SHROOM3: variants seen among roughly 807,000 people sequenced by gnomAD.
SHROOM3 encodes the protein shroom family member 3.
SHROOM3 carries 47 observed loss-of-function variants against 138.6 expected under a neutral mutation model. The observed-to-expected ratio is 0.34, with a 90% CI of 0.27 to 0.43. The LOEUF is 0.43. SHROOM3 is among the 20% of genes least tolerant of loss of function. SHROOM3 has a pLI of 1.00. For missense variants in SHROOM3, 2,491 were observed against 2,596.5 expected (o/e 0.96, Z 0.88); for synonymous variants, 1,062 against 1,063.3 (o/e 1.00, Z 0.02).
At chr4:76,641,856 A>G (rs187996186) in intron 2 of SHROOM3, among the ~76,000 whole-genome samples, 44 of 152,352 alleles carry the variant, frequency 2.9e-4, no homozygotes, top group African/African-American at 1.1e-3. Flanking sequence ...ATAGGCAGGT[A>G]GAGGTGAACT....
chr4:76,768,250 C>G (rs1045963898), intron 9 of SHROOM3, among the ~76,000 whole-genome samples: 1 of 152,186 alleles, frequency 6.6e-6, no homozygotes, highest in African/African-American at 2.4e-5. Context: ...TTTATTTTTC[C>G]TGCTGCTTTG....
chr4:76,487,430 A>C (rs1731755380), intron 1 of SHROOM3, among the ~76,000 whole-genome samples: 1 of 152,184 alleles, frequency 6.6e-6, no homozygotes, highest in Non-Finnish European at 1.5e-5. Flanking sequence ...GTTTGTGTGG[A>C]CATAAGCTTT....
At chr4:76,563,981 A>G (rs938566333) in intron 2 of SHROOM3, among the ~76,000 whole-genome samples, 16 of 152,190 alleles carry the variant, frequency 1.1e-4, no homozygotes, top group African/African-American at 3.4e-4. Flanking sequence ...CAGGAGCTGA[A>G]GTGGCAGCCA....
At chr4:76,761,360 G>A (rs576739308) in intron 9 of SHROOM3, among the ~76,000 whole-genome samples, 3 of 152,216 alleles carry the variant, frequency 2.0e-5, no homozygotes, top group African/African-American at 7.2e-5. Flanking sequence ...CCATCCTCAC[G>A]GGAAACAACA....
At chr4:76,485,403 C>T (rs1055962518) in intron 1 of SHROOM3, among the ~76,000 whole-genome samples, 2 of 152,178 alleles carry the variant, frequency 1.3e-5, no homozygotes, top group East Asian at 1.9e-4. Context: ...TTGCTTAGAA[C>T]ATTTTATTTT....
chr4:76,762,267 A>G (rs1325867141), intron 9 of SHROOM3, among the ~76,000 whole-genome samples: 2 of 152,250 alleles, frequency 1.3e-5, no homozygotes, highest in Admixed American at 1.3e-4. Flanking sequence ...AAGAGCATAT[A>G]ATATCTTAAC....
chr4:76,568,225 TACA>T (rs897901144), intron 2 of SHROOM3, among the ~76,000 whole-genome samples: 2 of 152,222 alleles, frequency 1.3e-5, no homozygotes, highest in African/African-American at 4.8e-5. Flanking sequence ...CTCTCAGCTT[TACA>T]ACATTTACTA....
chr4:76,576,807 A>G (rs542743179), intron 2 of SHROOM3, among the ~76,000 whole-genome samples: 59 of 152,246 alleles, frequency 3.9e-4, no homozygotes, highest in African/African-American at 1.3e-3. Flanking sequence ...AAAAATTAAA[A>G]TGTTAAAATA....
At chr4:76,633,348 AAAAAAGAAAAAG>A (rs1482342254) in intron 2 of SHROOM3, among the ~76,000 whole-genome samples, 4 of 149,118 alleles carry the variant, frequency 2.7e-5, no homozygotes, top group Non-Finnish European at 5.9e-5. Flanking sequence ...AAAAAAAAAA[AAAAAAGAAAAAG>A]AAAAAGGAAA....
intron 6 of SHROOM3, among the ~76,000 whole-genome samples, chr4:76,751,933 AT>A (rs1476909058): frequency 6.6e-6 from 1 of 152,224 alleles, no homozygotes; most frequent in Non-Finnish European, 1.5e-5. Context: ...GAACTACCAT[AT>A]GATCTGGCAA....
rs554636680 is a variant in SHROOM3 at position 76,681,582 on chromosome 4, G to C, written c.324-28574G>C. ...TTGCAGCTAAGTTGTAAGAAGCTTA[G>C]GCAGAGTCTAGGGTGTGTGTGTGTG... On this transcript the variant is annotated intron_variant, in intron 2 of 10. Coordinates refer to ENST00000296043, the MANE Select transcript of SHROOM3 (RefSeq NM_020859.4). Among the ~76,000 whole-genome samples, 284 of 57,852 alleles carry C rather than the reference G, an allele frequency of 4.9e-3. 3 individuals carry two copies. Among genetic ancestry groups the C allele is most frequent in the Non-Finnish European group, 7.3e-3 (217 of 29,532 alleles). The allele number at this position is 57,852 out of a possible 152,430, so 38.0% of individuals were successfully genotyped here. A position where few individuals can be genotyped will look rare whatever the true frequency, so the allele number is the denominator to read the frequency against.
intron 4 of SHROOM3, among the ~76,000 whole-genome samples, chr4:76,731,733 A>G (rs1720889759): frequency 6.6e-6 from 1 of 151,828 alleles, no homozygotes; most frequent in Admixed American, 6.6e-5. Context: ...GTGAGCTCAG[A>G]TCACGCCACT....
intron 2 of SHROOM3, among the ~76,000 whole-genome samples, chr4:76,620,442 G>C (rs556702344): frequency 6.6e-6 from 1 of 152,340 alleles, no homozygotes; most frequent in Admixed American, 6.5e-5. Context: ...CAGGAGAGGA[G>C]GGCTGGTACC....
chr4:76,554,442 C>T (rs112073952), intron 1 of SHROOM3, among the ~76,000 whole-genome samples: 38 of 128,102 alleles, frequency 3.0e-4, no homozygotes, highest in Non-Finnish European at 4.4e-4. Flanking sequence ...TTTTTTGAGA[C>T]GGAGTCTCAC....
At chr4:76,471,174 G>A (rs1048111446) in intron 1 of SHROOM3, among the ~76,000 whole-genome samples, 1 of 151,726 alleles carries the variant, frequency 6.6e-6, no homozygotes, top group African/African-American at 2.4e-5. Flanking sequence ...GAAAATGTAT[G>A]TCTTTTTATG....
intron 2 of SHROOM3, among the ~76,000 whole-genome samples, chr4:76,556,857 C>CA (rs1169278298): frequency 6.6e-6 from 1 of 152,302 alleles, no homozygotes; most frequent in African/African-American, 2.4e-5. Flanking sequence ...CTCCCAGCCA[C>CA]AAAAAACACA....
intron 1 of SHROOM3, among the ~76,000 whole-genome samples, chr4:76,526,454 CA>C (rs1732692656): frequency 6.6e-6 from 1 of 152,136 alleles, no homozygotes; most frequent in South Asian, 2.1e-4. Context: ...TCTCCTAACC[CA>C]AAAGGCAAAG....
At chr4:76,463,653 G>A (rs1178149746) in intron 1 of SHROOM3, among the ~76,000 whole-genome samples, 2 of 152,214 alleles carry the variant, frequency 1.3e-5, no homozygotes, top group South Asian at 2.1e-4. Context: ...CCTAGAAGGA[G>A]AAAATGGTTT....
intron 1 of SHROOM3, among the ~76,000 whole-genome samples, chr4:76,511,139 G>A (rs1029066973): frequency 1.3e-5 from 2 of 151,470 alleles, no homozygotes; most frequent in Non-Finnish European, 2.9e-5. Context: ...CCAAGATCAC[G>A]CCACTGCACT....
Sources: allele counts gnomAD v4.1 joint callset (sites outside exome capture counted in the v4.1 genomes callset), GRCh38; gene constraint gnomAD v4.1.1; transcripts MANE v1.5; gene names NCBI Gene and HGNC (gene_info 2026-07-23, HGNC 2026-07-21).